Variants in NAV3 observed in about 807,000 individuals in gnomAD.
The protein encoded by NAV3 is pore membrane and/or filament interacting like protein 1.
A neutral mutation model predicts 244.7 loss-of-function variants in NAV3; 87 were observed. The ratio of observed to expected loss-of-function variants is 0.36; its 90% CI spans 0.30 to 0.42. The LOEUF (loss-of-function observed/expected upper bound fraction) is 0.42, where lower values mean the gene tolerates loss of function less well. NAV3 is among the 20% of genes least tolerant of loss of function. NAV3 has a pLI of 1.00. For missense variants in NAV3, 2,663 were observed against 2,893.3 expected (o/e 0.92, Z 1.83); for synonymous variants, 1,126 against 1,042.2 (o/e 1.08, Z -1.55).
intron 1 of NAV3, among the ~76,000 whole-genome samples, chr12:77,888,869 A>G (rs1019308194): frequency 2.6e-5 from 4 of 152,154 alleles, no homozygotes; most frequent in African/African-American, 9.7e-5. Context: ...CTTCTGCTCA[A>G]TAACATACAT....
chr12:77,706,758 C>T (rs936060875), intron 2 of NAV3, among the ~76,000 whole-genome samples: 6 of 149,516 alleles, frequency 4.0e-5, no homozygotes, highest in Non-Finnish European at 1.5e-5. Flanking sequence ...GTAGTCCCAG[C>T]TACTCGGGAG....
rs561332453 is a variant in NAV3 at position 78,200,654 on chromosome 12, A to G, written c.6834+63A>G. On this transcript the variant is annotated intron_variant, in intron 38 of 39. Coordinates refer to ENST00000397909, the MANE Select transcript of NAV3 (RefSeq NM_001024383.2). Reference sequence around the variant, plus strand: ...AAAAAAAAGCAAAAAAAATTACTTTAAAAGCAAAAAAAAATATCTGGGTAT... The same window carrying G: ...AAAAAAAAGCAAAAAAAATTACTTTGAAAGCAAAAAAAAATATCTGGGTAT... The G allele has an allele frequency of 4.7e-3, 4,422 of 944,708 alleles. 12 individuals are homozygous for G. The highest frequency in any genetic ancestry group is 5.8e-3 in the Non-Finnish European group (3,831 of 659,114). 58.5% of individuals were successfully genotyped at this position (944,708 alleles called of 1,614,324 possible).
At chr12:77,814,298 T>C (rs1236921794) in intron 2 of NAV3, among the ~76,000 whole-genome samples, 7 of 152,168 alleles carry the variant, frequency 4.6e-5, no homozygotes, top group Non-Finnish European at 1.0e-4. Flanking sequence ...CCTAACATTT[T>C]CTGCCCTATG....
chr12:78,201,730 C>A (rs1306234392), intron 38 of NAV3, among the ~76,000 whole-genome samples: 1 of 152,048 alleles, frequency 6.6e-6, no homozygotes, highest in Non-Finnish European at 1.5e-5. Context: ...ATCTCCTTTT[C>A]AGTAACTCAG....
chr12:77,637,787 G>T (rs1324591928), intron 2 of NAV3, among the ~76,000 whole-genome samples: 1 of 152,116 alleles, frequency 6.6e-6, no homozygotes, highest in Non-Finnish European at 1.5e-5. Context: ...ATTACATTAT[G>T]TTTCATAATG....
chr12:77,908,256 T>G (rs1431543697), intron 1 of NAV3, among the ~76,000 whole-genome samples: 2 of 152,122 alleles, frequency 1.3e-5, no homozygotes, highest in African/African-American at 4.8e-5. Context: ...ACATAAATAT[T>G]AAACTCACTG....
chr12:77,593,837 T>C (rs1291512275), intron 2 of NAV3, among the ~76,000 whole-genome samples: 2 of 151,688 alleles, frequency 1.3e-5, no homozygotes, highest in African/African-American at 4.9e-5. Context: ...AAATTAACTG[T>C]GTAGAGCTTA....
chr12:78,074,821 A>C (rs1287976990), intron 12 of NAV3, among the ~76,000 whole-genome samples: 1 of 152,228 alleles, frequency 6.6e-6, no homozygotes. Context: ...GATGAATATG[A>C]AGTAAAAACA....
intron 2 of NAV3, among the ~76,000 whole-genome samples, chr12:77,702,412 C>T (rs1301626231): frequency 1.3e-5 from 2 of 151,720 alleles, no homozygotes; most frequent in Non-Finnish European, 3.0e-5. Flanking sequence ...ACAATTTCTG[C>T]CGTTTTATTT....
intron 2 of NAV3, among the ~76,000 whole-genome samples, chr12:77,671,806 TG>T (rs2137077484): frequency 6.6e-6 from 1 of 152,272 alleles, no homozygotes; most frequent in Non-Finnish European, 1.5e-5. Flanking sequence ...ATAAAAATTC[TG>T]GAAGATAACG....
chr12:77,852,586 C>G (rs1810432998), intron 1 of NAV3, among the ~76,000 whole-genome samples: 2 of 151,758 alleles, frequency 1.3e-5, no homozygotes, highest in South Asian at 2.1e-4. Flanking sequence ...TAATGTTATA[C>G]TTATGAAGAA....
chr12:77,978,246 C>T (rs1373817316), intron 5 of NAV3, among the ~76,000 whole-genome samples: 2 of 151,984 alleles, frequency 1.3e-5, no homozygotes, highest in Non-Finnish European at 2.9e-5. Context: ...CAATGGTGAG[C>T]CATTATTTGT....
intron 8 of NAV3, among the ~76,000 whole-genome samples, chr12:78,013,600 G>C (rs1875677924): frequency 6.6e-6 from 1 of 152,128 alleles, no homozygotes; most frequent in Non-Finnish European, 1.5e-5. Flanking sequence ...ATTCTTGAAT[G>C]TCAGAAACTT....
intron 2 of NAV3, among the ~76,000 whole-genome samples, chr12:77,655,635 A>G (rs987765296): frequency 6.6e-6 from 1 of 152,058 alleles, no homozygotes; most frequent in African/African-American, 2.4e-5. Context: ...GAGAAGAGCA[A>G]CTCCAAGACA....
At chr12:78,202,119 A>G (rs1959775801) in intron 38 of NAV3, among the ~76,000 whole-genome samples, 1 of 151,958 alleles carries the variant, frequency 6.6e-6, no homozygotes, top group Admixed American at 6.6e-5. Flanking sequence ...CAATAAAATA[A>G]AAGCTTATAC....
chr12:77,639,847 G>C (rs971023206), intron 2 of NAV3, among the ~76,000 whole-genome samples: 1 of 152,202 alleles, frequency 6.6e-6, no homozygotes, highest in Non-Finnish European at 1.5e-5. Context: ...CAGTTGCTCT[G>C]ATGGCACAGA....
At chr12:77,732,548 T>C (rs146009867) in intron 2 of NAV3, among the ~76,000 whole-genome samples, 12 of 152,162 alleles carry the variant, frequency 7.9e-5, no homozygotes, top group African/African-American at 2.6e-4. Flanking sequence ...CTGGTAATCA[T>C]TGCTAACATT....
Position 78,192,245 on chromosome 12 carries a change from T to A in NAV3, c.6291+2026T>A, listed in dbSNP as rs1043947356. On this transcript the variant is annotated intron_variant, in intron 34 of 39. Transcript: ENST00000397909. Reference sequence around the variant, plus strand: ...ACTCTTATTTTTTGCTTTTTCAGAGTACAGGCTATTTGTGCCATTATTAGG... The same window carrying A: ...ACTCTTATTTTTTGCTTTTTCAGAGAACAGGCTATTTGTGCCATTATTAGG... Among the ~76,000 whole-genome samples, 15 of 152,218 alleles carry A rather than the reference T, an allele frequency of 9.9e-5. No homozygotes were observed. In the South Asian group the frequency reaches 2.9e-3, roughly 29 times the overall value.
chr12:77,816,183 T>C (rs1470731746), intron 2 of NAV3, among the ~76,000 whole-genome samples: 2 of 152,198 alleles, frequency 1.3e-5, no homozygotes, highest in Non-Finnish European at 2.9e-5. Flanking sequence ...CTGTTACAAA[T>C]ACTAGACACA....
Sources: allele counts gnomAD v4.1 joint callset (sites outside exome capture counted in the v4.1 genomes callset), GRCh38; gene constraint gnomAD v4.1.1; transcripts MANE v1.5; gene names NCBI Gene and HGNC (gene_info 2026-07-23, HGNC 2026-07-21).